DSTN: variants seen among roughly 807,000 people sequenced by gnomAD.
DSTN encodes the protein destrin.
Under a neutral mutation model 16.8 loss-of-function variants are expected in DSTN, and 10 were observed. That is an observed-to-expected ratio of 0.60 (90% CI 0.37 to 1.01). The LOEUF (loss-of-function observed/expected upper bound fraction) is 1.01. DSTN is among the 50% of genes least tolerant of loss of function. DSTN has a pLI of 0.01. For synonymous variants in DSTN, 57 were observed against 58.9 expected, an observed-to-expected ratio of 0.97 and a Z score of 0.14; for missense variants, 141 against 196.7, an observed-to-expected ratio of 0.72 and a Z score of 1.69.
intron 3 of DSTN, among the ~76,000 whole-genome samples, chr20:17,605,920 T>C (rs1028546671): frequency 6.6e-6 from 1 of 150,612 alleles, no homozygotes. Flanking sequence ...CTGACCAACA[T>C]GGTGAAACCC....
intron 1 of DSTN, among the ~76,000 whole-genome samples, chr20:17,595,188 T>A (rs1183647166): frequency 6.6e-6 from 1 of 152,026 alleles, no homozygotes; most frequent in East Asian, 1.9e-4. Context: ...CTTTTGGAGG[T>A]CCCCAGAGCC....
chr20:17,586,400 A>G (rs1394581670), intron 1 of DSTN, among the ~76,000 whole-genome samples: 2 of 152,194 alleles, frequency 1.3e-5, no homozygotes, highest in African/African-American at 4.8e-5. Flanking sequence ...CAGTTTCATC[A>G]TTGCAGATTT....
intron 1 of DSTN, among the ~76,000 whole-genome samples, chr20:17,588,953 A>T (rs573419702): frequency 1.9e-4 from 29 of 152,264 alleles, no homozygotes; most frequent in Non-Finnish European, 2.9e-4. Context: ...TGACTACTCC[A>T]GAACTACTGT....
chr20:17,586,347 G>C (rs887958574), intron 1 of DSTN, among the ~76,000 whole-genome samples: 4 of 152,116 alleles, frequency 2.6e-5, no homozygotes, highest in Non-Finnish European at 4.4e-5. Flanking sequence ...CTAGGAAAAG[G>C]GACATATTTT....
At chr20:17,605,368 TGA>T (rs1275985135) in intron 3 of DSTN, among the ~76,000 whole-genome samples, 1 of 152,238 alleles carries the variant, frequency 6.6e-6, no homozygotes, top group African/African-American at 2.4e-5. Context: ...GTCTCATGTG[TGA>T]GTTTTAGTTT....
At chr20:17,579,313 G>A (rs930211732) in intron 1 of DSTN, among the ~76,000 whole-genome samples, 2 of 152,194 alleles carry the variant, frequency 1.3e-5, no homozygotes, top group Non-Finnish European at 2.9e-5. Context: ...GGAGGCTCAT[G>A]CCTGTAATCC....
At chr20:17,606,570 A>G (rs1161244597) in intron 3 of DSTN, among the ~76,000 whole-genome samples, 1 of 152,246 alleles carries the variant, frequency 6.6e-6, no homozygotes. Context: ...AGTACAACAT[A>G]TCTTTAGAAA....
intron 1 of DSTN, among the ~76,000 whole-genome samples, chr20:17,597,475 T>C (rs895577527): frequency 6.6e-6 from 1 of 152,200 alleles, no homozygotes; most frequent in Non-Finnish European, 1.5e-5. Context: ...TTTATTTGTT[T>C]GTATAAATGT....
intron 1 of DSTN, among the ~76,000 whole-genome samples, chr20:17,582,746 C>T (rs1408233660): frequency 4.6e-5 from 7 of 152,168 alleles, no homozygotes; most frequent in Admixed American, 4.6e-4. Context: ...AAGCTATGAA[C>T]TTCTAGAACA....
chr20:17,588,587 C>A (rs373989861), intron 1 of DSTN, among the ~76,000 whole-genome samples: 1 of 152,138 alleles, frequency 6.6e-6, no homozygotes, highest in Non-Finnish European at 1.5e-5. Context: ...CGAGACCATC[C>A]TGGCTAACAT....
chr20:17,605,796 T>G (rs2035635885), intron 3 of DSTN, among the ~76,000 whole-genome samples: 1 of 152,132 alleles, frequency 6.6e-6, no homozygotes, highest in Admixed American at 6.5e-5. Context: ...CACACTTGAT[T>G]TGGTGATACT....
At chr20:17,573,619 T>G (rs1206208690) in intron 1 of DSTN, among the ~76,000 whole-genome samples, 1 of 152,164 alleles carries the variant, frequency 6.6e-6, no homozygotes, top group Non-Finnish European at 1.5e-5. Context: ...CTACTACTGG[T>G]TCGTTCTGGT....
chr20:17,585,704 C>A (rs1232905955), intron 1 of DSTN, among the ~76,000 whole-genome samples: 1 of 152,102 alleles, frequency 6.6e-6, no homozygotes, highest in Non-Finnish European at 1.5e-5. Context: ...ACTACAGCCA[C>A]AGTCAAAATA....
intron 1 of DSTN, among the ~76,000 whole-genome samples, chr20:17,594,485 G>C (rs945207448): frequency 6.6e-6 from 1 of 152,090 alleles, no homozygotes; most frequent in East Asian, 1.9e-4. Flanking sequence ...CATCTAAAAA[G>C]CTGTATTTAG....
intron 1 of DSTN, among the ~76,000 whole-genome samples, chr20:17,594,406 A>C (rs1211737501): frequency 1.3e-5 from 2 of 152,236 alleles, no homozygotes; most frequent in African/African-American, 2.4e-5. Flanking sequence ...CAGAGCTTTA[A>C]GATCACTTTT....
chr20:17,580,283 C>A (rs1438962726), intron 1 of DSTN, among the ~76,000 whole-genome samples: 2 of 152,106 alleles, frequency 1.3e-5, no homozygotes, highest in African/African-American at 2.4e-5. Flanking sequence ...GAATAACAAT[C>A]ATTTATTCAA....
chr20:17,589,512 G>A (rs893952533), intron 1 of DSTN, among the ~76,000 whole-genome samples: 4 of 152,158 alleles, frequency 2.6e-5, no homozygotes, highest in Admixed American at 6.5e-5. Context: ...GCCAAGTTCC[G>A]CATCTTAATA....
Position 17,570,689 on chromosome 20 carries a change from C to G in DSTN, c.3+478C>G, listed in dbSNP as rs952168816. Among the ~76,000 whole-genome samples the G allele has an allele frequency of 3.9e-5, 6 of 152,348 alleles. No individual in the cohort carries two copies. The East Asian group carries it at 1.2e-3, about 29-fold the overall frequency. ...TTGTGCGCGTTCCAGCCCTTGAGGT[C>G]TGTCCATCTCAATAAGGAAGATAAA... is the stretch of plus-strand genomic sequence containing the variant. On this transcript the variant is annotated intron_variant, in intron 1 of 3. Coordinates refer to ENST00000246069, the MANE Select transcript of DSTN (RefSeq NM_006870.4).
chr20:17,589,032 A>C (rs1039038258), intron 1 of DSTN, among the ~76,000 whole-genome samples: 1 of 152,128 alleles, frequency 6.6e-6, no homozygotes, highest in Non-Finnish European at 1.5e-5. Context: ...GGCGTTCAGG[A>C]GGGAGTCTAG....
Sources: gnomAD v4.1 joint callset for allele counts (sites outside exome capture counted in the v4.1 genomes callset) on GRCh38, gnomAD v4.1.1 for gene constraint, MANE v1.5 for transcripts, NCBI Gene and HGNC (gene_info 2026-07-23, HGNC 2026-07-21) for gene names.